The following DMXL1 variants were observed in gnomAD, a reference collection of about 807,000 sequenced individuals.
The protein encoded by DMXL1 is Dmx like 1.
In DMXL1, 99 loss-of-function variants were observed where a neutral mutation model predicts 319.2. That is an observed-to-expected ratio of 0.31 (90% confidence interval 0.26 to 0.37). The LOEUF (loss-of-function observed/expected upper bound fraction) is 0.37. DMXL1 is among the 10% of genes least tolerant of loss of function. The pLI, the probability that DMXL1 is intolerant of heterozygous loss-of-function variation, is 1.00. For missense variants in DMXL1, 3,745 were observed against 3,595.6 expected (o/e 1.04, Z -1.06); for synonymous variants, 1,385 against 1,235.2 (o/e 1.12, Z -2.54).
intron 42 of DMXL1, among the ~76,000 whole-genome samples, chr5:119,242,418 A>G (rs1561953484): frequency 6.6e-6 from 1 of 152,214 alleles, no homozygotes; most frequent in African/African-American, 2.4e-5. Context: ...CTAACAAAAT[A>G]TGTACAGGGT....
At chr5:119,178,788 T>A in intron 28 of DMXL1, 1 of 358,592 alleles carries the variant, frequency 2.8e-6, no homozygotes, top group Non-Finnish European at 3.9e-6. Flanking sequence ...TTGTTTGGCA[T>A]TTATAGAAAA....
chr5:119,089,348 C>T (rs1245535147), intron 1 of DMXL1, among the ~76,000 whole-genome samples: 1 of 126,118 alleles, frequency 7.9e-6, no homozygotes, highest in Non-Finnish European at 1.6e-5. Context: ...TTCCATCACC[C>T]AGGCTAGAGT....
rs1172317307 is a variant in DMXL1 at position 119,177,350 on chromosome 5, C to T, written c.6759-7C>T. On this transcript the variant is annotated splice_polypyrimidine_tract_variant and splice_region_variant and intron_variant, in intron 26 of 43. Coordinates refer to ENST00000539542, the MANE Select transcript of DMXL1 (RefSeq NM_001290321.3). ...TCATAGATTTAAATATTGTTTTTTT[C>T]TCTTAGTTCATTTCAGACGAATCAG... is the stretch of plus-strand genomic sequence containing the variant. 6.7e-7 allele frequency: 1 copy of T among 1,494,822 alleles called. No homozygotes were observed. The highest frequency in any genetic ancestry group is 9.0e-7 in the Non-Finnish European group (1 of 1,115,206). 92.6% of individuals were successfully genotyped at this position (1,494,822 alleles called of 1,614,324 possible). A position where few individuals can be genotyped will look rare whatever the true frequency, so the allele number is the denominator to read the frequency against.
In DMXL1 at chr5:119,189,869, G is replaced by A; in HGVS notation, c.7297G>A (p.Asp2433Asn). 1 of 1,613,718 alleles carries A rather than the reference G, an allele frequency of 6.2e-7. No individual in the cohort carries two copies. Among genetic ancestry groups the A allele is most frequent in the Non-Finnish European group, 8.5e-7 (1 of 1,179,778 alleles). ...KFIPPELSIW[D>N]YFIAKPFLPS... ...CATCCCACCTGAGCTCAGTATCTGG[G>A]ACTATTTCATAGCTAAGGTAATTAA... The change falls in exon 29 of 44, where the codon GAC becomes AAC. Residue 2433 changes from aspartate (D) to asparagine (N), a missense_variant. By Grantham distance (23) the Asp-to-Asn change is conservative (BLOSUM62 1). This residue lies in a region of DMXL1 where 1,382 missense variants were observed against 1,269.5 expected (regional missense o/e 1.09). Transcript: ENST00000539542.
rs572605412 is a variant in DMXL1, at chr5:119,071,136, G to T, written c.-434G>T. The stretch of plus-strand genomic sequence containing the variant: ...GACTGTGGGGGTGGCGGGCACCGGA[G>T]CCGGGAAGGGACAGGTCAGGCGGGG... On this transcript the variant is annotated 5_prime_UTR_variant, in exon 1 of 44. Coordinates refer to ENST00000539542, the MANE Select transcript of DMXL1 (RefSeq NM_001290321.3). 2.6e-5 allele frequency: 5 copies of T among 189,398 alleles called. No individual in the cohort carries two copies. Among genetic ancestry groups the T allele is most frequent in the Non-Finnish European group, 5.6e-5 (5 of 90,054 alleles). 11.7% of individuals were successfully genotyped at this position (189,398 alleles called of 1,614,324 possible).
In DMXL1 at chr5:119,071,455, T is replaced by A; in HGVS notation, c.-115T>A. On this transcript the variant is annotated 5_prime_UTR_variant, in exon 1 of 44. Transcript: ENST00000539542. ...CCGGCTCCAGGCGCCTGTCGCTGCT[T>A]CTGCCGTCGCCACCGAAGAGCGGCC... 4 of 1,049,060 alleles carry A rather than the reference T, an allele frequency of 3.8e-6. No homozygotes were observed. The highest frequency in any genetic ancestry group is 5.7e-6 in the Non-Finnish European group (4 of 700,768). The allele number at this position is 1,049,060 out of a possible 1,614,324, so 65.0% of individuals were successfully genotyped here.
At chr5:119,127,378 T>C (rs1763840310) in intron 9 of DMXL1, 1 of 147,514 alleles carries the variant, frequency 6.8e-6, no homozygotes, top group African/African-American at 2.6e-5. Flanking sequence ...TGAGACAGAG[T>C]CTCGCTCTGT....
chr5:119,082,020 TACACACACACACACACACAC>T (rs565047535), intron 1 of DMXL1, among the ~76,000 whole-genome samples: 1 of 108,162 alleles, frequency 9.2e-6, no homozygotes, highest in Non-Finnish European at 1.7e-5. Flanking sequence ...TATATATATA[TACACACACACACACACACAC>T]ACACACACAC....
chr5:119,181,654 C>G (rs982456425), intron 28 of DMXL1, among the ~76,000 whole-genome samples: 1 of 151,908 alleles, frequency 6.6e-6, no homozygotes, highest in African/African-American at 2.4e-5. Flanking sequence ...AACACTGTCT[C>G]TACAAAAATT....
At chr5:119,112,917 C>T (rs1759984891) in intron 5 of DMXL1, among the ~76,000 whole-genome samples, 1 of 152,062 alleles carries the variant, frequency 6.6e-6, no homozygotes, top group Non-Finnish European at 1.5e-5. Flanking sequence ...GATCACACCA[C>T]TGCACTCCAG....
At chr5:119,159,642 T>C (rs1292680428) in intron 19 of DMXL1, among the ~76,000 whole-genome samples, 1 of 152,240 alleles carries the variant, frequency 6.6e-6, no homozygotes, top group Non-Finnish European at 1.5e-5. Flanking sequence ...ATTTATTTAT[T>C]GAGATAGAGT....
intron 28 of DMXL1, among the ~76,000 whole-genome samples, chr5:119,189,401 A>G (rs1281953061): frequency 1.3e-5 from 2 of 152,216 alleles, no homozygotes; most frequent in Non-Finnish European, 2.9e-5. Flanking sequence ...GAAATTTCCT[A>G]TCGTGTTCCT....
chr5:119,136,438 A>G (rs1382712813), intron 13 of DMXL1, among the ~76,000 whole-genome samples: 2 of 152,276 alleles, frequency 1.3e-5, no homozygotes, highest in Non-Finnish European at 2.9e-5. Flanking sequence ...TTCCTGGAGA[A>G]GAATTCAAGG....
intron 28 of DMXL1, among the ~76,000 whole-genome samples, chr5:119,180,027 C>T (rs757568140): frequency 1.3e-5 from 2 of 152,142 alleles, no homozygotes; most frequent in African/African-American, 4.8e-5. Context: ...CATTTGTAAA[C>T]AGATGAGTAC....
intron 1 of DMXL1, among the ~76,000 whole-genome samples, chr5:119,088,079 G>A (rs1408128498): frequency 1.3e-5 from 2 of 152,204 alleles, no homozygotes; most frequent in South Asian, 2.1e-4. Context: ...TGGGATTACA[G>A]GTGTGAGGCA....
At chr5:119,210,102 AC>A (rs1782483548) in intron 34 of DMXL1, among the ~76,000 whole-genome samples, 1 of 151,950 alleles carries the variant, frequency 6.6e-6, no homozygotes, top group Admixed American at 6.6e-5. Flanking sequence ...GCACTAACAC[AC>A]CCGGCTAATT....
chr5:119,199,876 T>C (rs1780374300), intron 32 of DMXL1, among the ~76,000 whole-genome samples: 1 of 152,232 alleles, frequency 6.6e-6, no homozygotes, highest in Non-Finnish European at 1.5e-5. Flanking sequence ...TACGTCTTCT[T>C]GTGCAAAGTG....
intron 21 of DMXL1, among the ~76,000 whole-genome samples, chr5:119,165,848 C>T (rs1773327928): frequency 6.6e-6 from 1 of 152,218 alleles, no homozygotes; most frequent in Admixed American, 6.5e-5. Context: ...CTGGGTCCCT[C>T]CCACAGCACT....
chr5:119,176,501 C>T (rs1775823418), intron 26 of DMXL1, among the ~76,000 whole-genome samples: 4 of 151,906 alleles, frequency 2.6e-5, no homozygotes, highest in African/African-American at 9.7e-5. Context: ...TTTTATCTTT[C>T]CTATCTATGA....
Sources: allele counts gnomAD v4.1 joint callset (sites outside exome capture counted in the v4.1 genomes callset), GRCh38; gene constraint gnomAD v4.1.1; regional missense constraint gnomAD v4.1.1; transcripts MANE v1.5; gene names NCBI Gene and HGNC (gene_info 2026-07-23, HGNC 2026-07-21).